FHIT: variants seen among roughly 807,000 people sequenced by gnomAD.
The protein encoded by FHIT is bis(5'-adenosyl)-triphosphatase.
A neutral mutation model predicts 17.9 loss-of-function variants in FHIT; 19 were observed. The ratio of observed to expected loss-of-function variants is 1.06; its 90% CI spans 0.74 to 1.56. The LOEUF (loss-of-function observed/expected upper bound fraction) is 1.56. Ranked by LOEUF, FHIT falls within the 40% of genes most tolerant of loss-of-function variation. FHIT has a pLI of 0.00. For missense variants in FHIT, 248 were observed against 189.2 expected (o/e 1.31, Z -1.82); for synonymous variants, 81 against 69.7 (o/e 1.16, Z -0.81).
chr3:60,180,274 G>C (rs746877585), intron 5 of FHIT, among the ~76,000 whole-genome samples: 4 of 152,144 alleles, frequency 2.6e-5, no homozygotes, highest in Non-Finnish European at 5.9e-5. Flanking sequence ...CCGTGCTGTT[G>C]CAACAAAAAT....
At chr3:61,194,084 T>C (rs1362384388) in intron 2 of FHIT, among the ~76,000 whole-genome samples, 3 of 152,098 alleles carry the variant, frequency 2.0e-5, no homozygotes, top group Non-Finnish European at 4.4e-5. Flanking sequence ...GGCCTGACTA[T>C]TCAGATTCTT....
chr3:59,757,533 C>A (rs1484316663), intron 8 of FHIT, among the ~76,000 whole-genome samples: 1 of 152,118 alleles, frequency 6.6e-6, no homozygotes, highest in Admixed American at 6.5e-5. Context: ...CTATTGACAT[C>A]TTTAGAGTTC....
At chr3:61,182,154 T>C (rs766613720) in intron 2 of FHIT, among the ~76,000 whole-genome samples, 20 of 152,226 alleles carry the variant, frequency 1.3e-4, no homozygotes, top group Non-Finnish European at 2.2e-4. Context: ...ATCACAGTCC[T>C]GATGGGCAGG....
intron 2 of FHIT, among the ~76,000 whole-genome samples, chr3:61,052,307 C>CA (rs1341402802): frequency 6.6e-6 from 1 of 152,166 alleles, no homozygotes; most frequent in African/African-American, 2.4e-5. Flanking sequence ...AGAACAGTAC[C>CA]ACCTTACTTA....
intron 5 of FHIT, among the ~76,000 whole-genome samples, chr3:60,427,063 TG>T (rs369495945): frequency 6.6e-4 from 101 of 152,214 alleles, no homozygotes; most frequent in African/African-American, 2.3e-3. Flanking sequence ...TTATCTTGGG[TG>T]GGCCTGACCT....
At chr3:59,774,173 A>G (rs894488711) in intron 8 of FHIT, among the ~76,000 whole-genome samples, 1 of 152,230 alleles carries the variant, frequency 6.6e-6, no homozygotes, top group Non-Finnish European at 1.5e-5. Context: ...CACTGGGTCA[A>G]ATCTGGCCAG....
At chr3:61,134,130 C>CACACACACACAA (rs1200290794) in intron 2 of FHIT, among the ~76,000 whole-genome samples, 4 of 151,410 alleles carry the variant, frequency 2.6e-5, no homozygotes, top group African/African-American at 9.7e-5. Flanking sequence ...CACACACACA[C>CACACACACACAA]AAAGAGGTCA....
chr3:60,408,574 A>C (rs1701956922), intron 5 of FHIT, among the ~76,000 whole-genome samples: 1 of 152,198 alleles, frequency 6.6e-6, no homozygotes, highest in Non-Finnish European at 1.5e-5. Flanking sequence ...TCTCAAGAAG[A>C]CAAAAATAAA....
intron 3 of FHIT, among the ~76,000 whole-genome samples, chr3:60,918,614 C>T (rs1053477564): frequency 6.6e-6 from 1 of 152,106 alleles, no homozygotes; most frequent in Admixed American, 6.5e-5. Flanking sequence ...TGGAGAAGAT[C>T]TGGGAAAGGA....
At chr3:60,957,386 T>C (rs1255980452) in intron 3 of FHIT, among the ~76,000 whole-genome samples, 9 of 151,974 alleles carry the variant, frequency 5.9e-5, no homozygotes, top group East Asian at 3.9e-4. Context: ...TACAGGCACG[T>C]GCCACCACAC....
At chr3:60,026,995 A>C (rs1700765271) in intron 5 of FHIT, among the ~76,000 whole-genome samples, 1 of 151,988 alleles carries the variant, frequency 6.6e-6, no homozygotes. Context: ...GCTACTCGGA[A>C]AGCTGAGGCA....
intron 3 of FHIT, among the ~76,000 whole-genome samples, chr3:60,970,266 C>T (rs1310116334): frequency 1.3e-5 from 2 of 152,092 alleles, no homozygotes. Context: ...CTATATGTAC[C>T]TATACATATA....
intron 4 of FHIT, among the ~76,000 whole-genome samples, chr3:60,699,099 C>T (rs1012717238): frequency 3.3e-5 from 5 of 152,028 alleles, no homozygotes; most frequent in Non-Finnish European, 7.4e-5. Context: ...TTATGGGTAT[C>T]TCTGTGTGTG....
At chr3:59,758,224 TTAAAC>T (rs1207051278) in intron 8 of FHIT, among the ~76,000 whole-genome samples, 2 of 152,132 alleles carry the variant, frequency 1.3e-5, no homozygotes, top group East Asian at 3.8e-4. Context: ...AACAGCTTCG[TTAAAC>T]ACATGATGCG....
chr3:61,213,733 C>T (rs903150650), intron 1 of FHIT, among the ~76,000 whole-genome samples: 7 of 152,078 alleles, frequency 4.6e-5, no homozygotes, highest in South Asian at 2.1e-4. Context: ...ACACCTATTC[C>T]AAAATTGACC....
intron 5 of FHIT, among the ~76,000 whole-genome samples, chr3:60,345,642 T>C (rs1019717180): frequency 6.6e-6 from 1 of 152,196 alleles, no homozygotes; most frequent in African/African-American, 2.4e-5. Flanking sequence ...AAGTAGACTA[T>C]CGTCTCAAGA....
At chr3:60,978,110 T>C (rs1277055804) in intron 3 of FHIT, among the ~76,000 whole-genome samples, 1 of 152,158 alleles carries the variant, frequency 6.6e-6, no homozygotes, top group Non-Finnish European at 1.5e-5. Flanking sequence ...TTGTTTATGA[T>C]TGTCTTGTCA....
intron 5 of FHIT, among the ~76,000 whole-genome samples, chr3:60,332,402 T>C (rs1213571806): frequency 5.9e-5 from 9 of 152,158 alleles, no homozygotes; most frequent in Non-Finnish European, 1.0e-4. Context: ...GTATCTACGA[T>C]GGAGGAAAAT....
intron 4 of FHIT, among the ~76,000 whole-genome samples, chr3:60,544,576 G>C (rs2036298171): frequency 6.7e-6 from 1 of 149,166 alleles, no homozygotes; most frequent in Admixed American, 6.7e-5. Flanking sequence ...AAGTGAAGTT[G>C]GCCAATAATT....
Sources: allele counts gnomAD v4.1 joint callset (sites outside exome capture counted in the v4.1 genomes callset), GRCh38; gene constraint gnomAD v4.1.1; transcripts MANE v1.5; gene names NCBI Gene and HGNC (gene_info 2026-07-23, HGNC 2026-07-21).